OSBPL6: variants seen among roughly 807,000 people sequenced by gnomAD.
OSBPL6 encodes the protein oxysterol binding protein like 6.
OSBPL6 carries 49 observed loss-of-function variants against 125.8 expected under a neutral mutation model. The observed-to-expected ratio is 0.39, with a 90% CI of 0.31 to 0.49. OSBPL6 has a LOEUF of 0.49. Ranked by LOEUF, OSBPL6 falls within the 20% of genes least tolerant of loss-of-function variation. The pLI, the probability that OSBPL6 is intolerant of heterozygous loss-of-function variation, is 0.88. For missense variants in OSBPL6, 986 were observed against 1,135.4 expected (o/e 0.87, Z 1.89); for synonymous variants, 394 against 391.8 (o/e 1.01, Z -0.07).
chr2:178,255,323 A>T (rs986579832), intron 1 of OSBPL6, among the ~76,000 whole-genome samples: 2 of 152,206 alleles, frequency 1.3e-5, no homozygotes, highest in African/African-American at 4.8e-5. Flanking sequence ...CAAAAAACAA[A>T]AAACAAACAA....
chr2:178,306,705 A>C (rs1686797887), intron 3 of OSBPL6, among the ~76,000 whole-genome samples: 1 of 152,242 alleles, frequency 6.6e-6, no homozygotes, highest in Non-Finnish European at 1.5e-5. Flanking sequence ...GGAATCTGGT[A>C]ACAGCTAGAT....
intron 1 of OSBPL6, among the ~76,000 whole-genome samples, chr2:178,241,177 ATAT>A (rs2091273577): frequency 7.6e-6 from 1 of 130,834 alleles, no homozygotes; most frequent in African/African-American, 3.0e-5. Context: ...TATAGCACAG[ATAT>A]TTTTTTTTTT....
intron 13 of OSBPL6, among the ~76,000 whole-genome samples, chr2:178,367,532 T>A (rs1486006557): frequency 2.0e-5 from 3 of 152,220 alleles, no homozygotes; most frequent in African/African-American, 7.2e-5. Context: ...AGTAAAATGT[T>A]TATGCCAGAG....
At position 178,382,492 on chromosome 2, in the gene OSBPL6, A is replaced by G; in HGVS notation, c.1606A>G (p.Asn536Asp). 6.2e-7 allele frequency: 1 copy of G among 1,614,124 alleles called. No individual in the cohort carries two copies. The highest frequency in any genetic ancestry group is 8.5e-7 in the Non-Finnish European group (1 of 1,180,006). The part of the protein sequence containing the change: ...ISEDNTSVAD[N>D]ISRQILNGEL... ...TGAAGACAACACCAGTGTTGCAGAC[A>G]ATATTTCTCGGCAAAGTATGCATCA... The change falls in exon 16 of 25, where the codon AAT becomes GAT. Residue 536 changes from asparagine to aspartate, a missense_variant. Physicochemically the swap from Asn to Asp is conservative, Grantham distance 23. Transcript: ENST00000190611.
Position 178,274,897 on chromosome 2 carries a change from A to AT in OSBPL6, c.-350-10018dup, listed in dbSNP as rs984666696. Among the ~76,000 whole-genome samples the AT allele has an allele frequency of 1.0e-3, 148 of 147,208 alleles. 2 individuals carry two copies. The highest frequency in any genetic ancestry group is 8.4e-3 in the South Asian group (39 of 4,642). ...TTAAAAATTGTCCTCTAGGACCATG[A>AT]TTTTTTTTTTTTAAATGAAAGACAC... On this transcript the variant is annotated intron_variant, in intron 1 of 24. Transcript: ENST00000190611.
At chr2:178,328,192 T>A in intron 4 of OSBPL6, 64 bp from the exon 5 acceptor site, 1 of 1,595,412 alleles carries the variant, frequency 6.3e-7, no homozygotes, top group South Asian at 1.1e-5. Flanking sequence ...TACTTAAGAA[T>A]CTGCTTTAAG....
intron 1 of OSBPL6, among the ~76,000 whole-genome samples, chr2:178,196,674 G>C (rs2088914741): frequency 6.6e-6 from 1 of 152,256 alleles, no homozygotes; most frequent in South Asian, 2.1e-4. Context: ...ACCGGATTAG[G>C]TAAACTGCAT....
intron 1 of OSBPL6, among the ~76,000 whole-genome samples, chr2:178,200,110 G>A (rs2089161284): frequency 6.6e-6 from 1 of 152,158 alleles, no homozygotes; most frequent in Non-Finnish European, 1.5e-5. Flanking sequence ...AAAGATTAAA[G>A]CACATTTCTT....
intron 1 of OSBPL6, among the ~76,000 whole-genome samples, chr2:178,212,144 C>T (rs931481272): frequency 5.9e-5 from 9 of 152,120 alleles, no homozygotes; most frequent in East Asian, 3.9e-4. Context: ...CTAACAAGGC[C>T]GCCTTACAAA....
rs537175505 is a variant in OSBPL6 at position 178,260,006 on chromosome 2, A to C, written c.-350-24921A>C. Among the ~76,000 whole-genome samples, 8 of 152,342 alleles carry C rather than the reference A, an allele frequency of 5.3e-5. No homozygotes were observed. The South Asian group carries it at 1.7e-3, about 32-fold the overall frequency. The stretch of plus-strand genomic sequence containing the variant: ...ATATTTGCTGAGGTTCCATTCATTC[A>C]TTAGGAGATGCAAAATGGTAATCTT... On this transcript the variant is annotated intron_variant, in intron 1 of 24. Transcript: ENST00000190611.
chr2:178,261,816 T>G (rs993422994), intron 1 of OSBPL6, among the ~76,000 whole-genome samples: 7 of 152,344 alleles, frequency 4.6e-5, no homozygotes, highest in African/African-American at 1.4e-4. Context: ...AACTATTTTC[T>G]CACTTTGAAC....
intron 1 of OSBPL6, among the ~76,000 whole-genome samples, chr2:178,272,860 A>C (rs1357348991): frequency 1.3e-5 from 2 of 152,208 alleles, no homozygotes; most frequent in Non-Finnish European, 2.9e-5. Flanking sequence ...ACAAAGATGG[A>C]GCAGTTGTAG....
intron 1 of OSBPL6, among the ~76,000 whole-genome samples, chr2:178,218,633 C>CTTTTTT (rs10699137): frequency 1.1e-4 from 15 of 137,374 alleles, no homozygotes; most frequent in Admixed American, 2.2e-4. Flanking sequence ...TTCTTTCTTT[C>CTTTTTT]TTTTTTTTTT....
chr2:178,341,863 TC>T (rs1690236472), intron 11 of OSBPL6, among the ~76,000 whole-genome samples: 1 of 152,076 alleles, frequency 6.6e-6, no homozygotes, highest in African/African-American at 2.4e-5. Context: ...GGATACTCAT[TC>T]TCTACTACTG....
intron 1 of OSBPL6, among the ~76,000 whole-genome samples, chr2:178,223,669 A>G (rs2090435018): frequency 6.6e-6 from 1 of 152,154 alleles, no homozygotes; most frequent in Admixed American, 6.6e-5. Context: ...TGACTAAGTG[A>G]TTGGATTCCA....
intron 24 of OSBPL6, 137 bp downstream of exon 24, chr2:178,394,572 C>A: frequency 2.6e-6 from 3 of 1,136,708 alleles, no homozygotes; most frequent in Non-Finnish European, 3.7e-6. Context: ...AATATTGAAT[C>A]GATTTTGCAC....
intron 13 of OSBPL6, among the ~76,000 whole-genome samples, chr2:178,366,091 C>T (rs1156549664): frequency 2.0e-5 from 3 of 152,178 alleles, no homozygotes; most frequent in Non-Finnish European, 4.4e-5. Flanking sequence ...GGGATTTCAC[C>T]ATGTTGCCCA....
At chr2:178,373,220 A>G (rs988272250) in intron 14 of OSBPL6, among the ~76,000 whole-genome samples, 1 of 152,156 alleles carries the variant, frequency 6.6e-6, no homozygotes, top group African/African-American at 2.4e-5. Flanking sequence ...AACTGCCCAG[A>G]ATCTAGAAGT....
chr2:178,344,152 G>C, intron 11 of OSBPL6: 1 of 696,734 alleles, frequency 1.4e-6, no homozygotes, highest in South Asian at 1.9e-5. Context: ...AGCGCTTTTC[G>C]ATGCTGATTT....
Sources: allele counts gnomAD v4.1 joint callset (sites outside exome capture counted in the v4.1 genomes callset), GRCh38; gene constraint gnomAD v4.1.1; transcripts MANE v1.5; gene names NCBI Gene and HGNC (gene_info 2026-07-23, HGNC 2026-07-21).